KALRN: variants seen among roughly 807,000 people sequenced by gnomAD.
The protein encoded by KALRN is kalirin RhoGEF kinase.
A neutral mutation model predicts 353.7 loss-of-function variants in KALRN; 70 were observed. That is an observed-to-expected ratio of 0.20 (90% CI 0.16 to 0.24). KALRN has a LOEUF of 0.24. Among genes scored for constraint, KALRN ranks in the 10% least tolerant of loss-of-function variants. The pLI is 1.00. For missense variants in KALRN, 2,791 were observed against 3,756.7 expected (o/e 0.74, Z 6.72); for synonymous variants, 1,391 against 1,434.8 (o/e 0.97, Z 0.69).
intron 8 of KALRN, among the ~76,000 whole-genome samples, chr3:124,333,374 A>G (rs1581066485): frequency 3.3e-5 from 5 of 152,228 alleles, no homozygotes; most frequent in Admixed American, 3.3e-4. Context: ...AATCCTCACC[A>G]TGACTTTATG....
At chr3:124,285,074 T>C (rs776383287) in intron 5 of KALRN, among the ~76,000 whole-genome samples, 1 of 152,172 alleles carries the variant, frequency 6.6e-6, no homozygotes, top group African/African-American at 2.4e-5. Context: ...TTGACTTCTG[T>C]TTCCCAGAAG....
At chr3:124,540,345 G>A (rs111245833) in intron 33 of KALRN, among the ~76,000 whole-genome samples, 30 of 152,128 alleles carry the variant, frequency 2.0e-4, no homozygotes, top group South Asian at 4.2e-4. Context: ...GTAGCCATGC[G>A]CCCAGGTCTA....
rs544604902 is a variant in KALRN, at chr3:124,294,920, G to A, written c.970-3871G>A. Among the ~76,000 whole-genome samples, 10 of 152,302 alleles carry A rather than the reference G, an allele frequency of 6.6e-5. No individual in the cohort carries two copies. The South Asian group carries it at 2.1e-3, about 32-fold the overall frequency. On this transcript the variant is annotated intron_variant, in intron 5 of 59. Transcript: ENST00000682506. ...CCACTATCTCTTCAAATGAGGAGAAGATCAGAAATGAAGTGACTTTTCCAC... is the reference window on the plus strand; with the variant it reads ...CCACTATCTCTTCAAATGAGGAGAAAATCAGAAATGAAGTGACTTTTCCAC...
chr3:124,694,069 G>A (rs1172404917), intron 52 of KALRN, among the ~76,000 whole-genome samples: 1 of 152,292 alleles, frequency 6.6e-6, no homozygotes, highest in Non-Finnish European at 1.5e-5. Context: ...ATACCAGAAT[G>A]CCTACAGTAA....
intron 21 of KALRN, among the ~76,000 whole-genome samples, chr3:124,448,040 G>A (rs1227818533): frequency 6.6e-6 from 1 of 152,176 alleles, no homozygotes; most frequent in East Asian, 1.9e-4. Context: ...CTTATAATGA[G>A]CCATTAACAG....
chr3:124,618,985 T>G (rs1450301236), intron 34 of KALRN, among the ~76,000 whole-genome samples: 1 of 152,222 alleles, frequency 6.6e-6, no homozygotes, highest in African/African-American at 2.4e-5. Flanking sequence ...GGTATATATC[T>G]TAGGTATATG....
At chr3:124,218,885 A>C (rs2150583677) in intron 1 of KALRN, among the ~76,000 whole-genome samples, 1 of 152,358 alleles carries the variant, frequency 6.6e-6, no homozygotes, top group Non-Finnish European at 1.5e-5. Flanking sequence ...AATGGAGCTA[A>C]TTTAGCAGTA....
chr3:124,256,235 T>C (rs1249150043), intron 3 of KALRN, among the ~76,000 whole-genome samples: 1 of 152,198 alleles, frequency 6.6e-6, no homozygotes, highest in African/African-American at 2.4e-5. Flanking sequence ...AGGACAAAGC[T>C]TGGCCTGGGG....
chr3:124,061,565 A>G (rs1296649538), intron 1 of KALRN, among the ~76,000 whole-genome samples: 8 of 152,148 alleles, frequency 5.3e-5, no homozygotes, highest in Non-Finnish European at 1.0e-4. Flanking sequence ...TTCCACATGT[A>G]TTTCTAGACA....
intron 12 of KALRN, among the ~76,000 whole-genome samples, chr3:124,397,178 A>C (rs2090269969): frequency 6.6e-6 from 1 of 152,216 alleles, no homozygotes; most frequent in African/African-American, 2.4e-5. Flanking sequence ...GAATAATCAC[A>C]TCCTCCCAGC....
At chr3:124,079,085 A>G (rs996560822) in intron 1 of KALRN, among the ~76,000 whole-genome samples, 7 of 152,200 alleles carry the variant, frequency 4.6e-5, no homozygotes, top group African/African-American at 1.7e-4. Flanking sequence ...GGAAGGCTAG[A>G]AGCAGGAAGA....
At chr3:124,426,706 C>T (rs1020642371) in intron 15 of KALRN, among the ~76,000 whole-genome samples, 5 of 152,190 alleles carry the variant, frequency 3.3e-5, no homozygotes, top group African/African-American at 1.2e-4. Context: ...CCACTGATTA[C>T]AGCCCATGGA....
chr3:124,358,750 T>A (rs946513324), intron 10 of KALRN, among the ~76,000 whole-genome samples: 1 of 152,248 alleles, frequency 6.6e-6, no homozygotes, highest in African/African-American at 2.4e-5. Flanking sequence ...TTAATATATA[T>A]TTCTAATTCT....
chr3:124,107,499 C>G (rs1474385219), intron 1 of KALRN, among the ~76,000 whole-genome samples: 1 of 152,216 alleles, frequency 6.6e-6, no homozygotes, highest in Non-Finnish European at 1.5e-5. Context: ...ATTATAGAGA[C>G]TTTTCCCCAC....
At chr3:124,565,022 C>T (rs541620466) in intron 34 of KALRN, among the ~76,000 whole-genome samples, 7 of 152,348 alleles carry the variant, frequency 4.6e-5, no homozygotes, top group African/African-American at 1.7e-4. Flanking sequence ...AGACCTGCTG[C>T]AGGCTTCCTG....
At chr3:124,069,895 A>G (rs1174159641) in intron 1 of KALRN, among the ~76,000 whole-genome samples, 1 of 152,172 alleles carries the variant, frequency 6.6e-6, no homozygotes, top group East Asian at 1.9e-4. Flanking sequence ...GGGGCGGCCA[A>G]GATATTTCTG....
chr3:124,523,234 A>G (rs1323346166), intron 33 of KALRN, among the ~76,000 whole-genome samples: 1 of 152,160 alleles, frequency 6.6e-6, no homozygotes, highest in African/African-American at 2.4e-5. Flanking sequence ...AACACTAGCT[A>G]TAGCTTTCGC....
At chr3:124,342,177 T>TATTTA in intron 9 of KALRN, among the ~76,000 whole-genome samples, 1 of 152,082 alleles carries the variant, frequency 6.6e-6, no homozygotes, top group African/African-American at 2.4e-5. Context: ...TTTATTTATT[T>TATTTA]TTGTATAAAT....
At chr3:124,245,412 A>G (rs2081002801) in intron 3 of KALRN, among the ~76,000 whole-genome samples, 1 of 152,136 alleles carries the variant, frequency 6.6e-6, no homozygotes, top group Non-Finnish European at 1.5e-5. Context: ...GGTTGATTCC[A>G]TGTCTTGGCT....
Sources: gnomAD v4.1 joint callset for allele counts (sites outside exome capture counted in the v4.1 genomes callset) on GRCh38, gnomAD v4.1.1 for gene constraint, MANE v1.5 for transcripts, NCBI Gene and HGNC (gene_info 2026-07-23, HGNC 2026-07-21) for gene names.